Variants in SLIT3 observed in about 807,000 individuals in gnomAD.
SLIT3 encodes slit guidance ligand 3.
A neutral mutation model predicts 184.0 loss-of-function variants in SLIT3; 68 were observed. The ratio of observed to expected loss-of-function variants is 0.37; its 90% CI spans 0.30 to 0.45. SLIT3 has a LOEUF of 0.45. SLIT3 is among the 20% of genes least tolerant of loss of function. The pLI is 1.00. For synonymous variants in SLIT3, 831 were observed against 828.6 expected, an observed-to-expected ratio of 1.00 and a Z score of -0.05; for missense variants, 1,707 against 2,026.0, an observed-to-expected ratio of 0.84 and a Z score of 3.02.
chr5:168,665,549 T>C lies in SLIT3; in HGVS notation c.*905A>G, dbSNP rs948729285. The C allele has an allele frequency of 2.0e-5, 3 of 152,296 alleles. No homozygotes were observed. Among genetic ancestry groups the C allele is most frequent in the Admixed American group, 2.0e-4 (3 of 15,282 alleles). The allele number at this position is 152,296 out of a possible 1,614,324, so 9.4% of individuals were successfully genotyped here. ...CATGATATTCTCTTCCCTCGCCTCC[T>C]CTAGGAAGACCCCTCTCCTGGGGAG... On this transcript the variant is annotated 3_prime_UTR_variant, in exon 36 of 36. Transcript: ENST00000519560.
At chr5:168,790,282 G>T (rs989882642) in intron 10 of SLIT3, 1 of 152,424 alleles carries the variant, frequency 6.6e-6, no homozygotes, top group Non-Finnish European at 1.5e-5. Flanking sequence ...TCATCTGGGA[G>T]CAAGTCCAGG....
intron 9 of SLIT3, 52 bp from the exon 10 acceptor site, chr5:168,795,630 GGTCACT>G: frequency 7.3e-7 from 1 of 1,373,018 alleles, no homozygotes; most frequent in Non-Finnish European, 1.0e-6. Context: ...GTCAACAAGT[GGTCACT>G]GAGGGCTACT....
chr5:169,297,380 G>A (rs1373336343), intron 1 of SLIT3, among the ~76,000 whole-genome samples: 1 of 152,136 alleles, frequency 6.6e-6, no homozygotes, highest in African/African-American at 2.4e-5. Context: ...CTGAAGCAAA[G>A]TCCAAATGGT....
At chr5:168,752,185 G>A (rs1754740456) in intron 18 of SLIT3, among the ~76,000 whole-genome samples, 1 of 152,262 alleles carries the variant, frequency 6.6e-6, no homozygotes, top group South Asian at 2.1e-4. Flanking sequence ...CTTCAGCCTT[G>A]CCTTATGTCA....
chr5:168,968,840 C>G (rs1231177815), intron 4 of SLIT3, among the ~76,000 whole-genome samples: 1 of 152,186 alleles, frequency 6.6e-6, no homozygotes, highest in Admixed American at 6.5e-5. Flanking sequence ...CTGACTCTTT[C>G]TAGCCGTGTG....
At chr5:169,031,089 G>A (rs184942394) in intron 4 of SLIT3, among the ~76,000 whole-genome samples, 8 of 152,220 alleles carry the variant, frequency 5.3e-5, no homozygotes, top group East Asian at 3.9e-4. Flanking sequence ...CATAGTAGTC[G>A]TACTAGTCAG....
At chr5:169,098,622 ACAAGAG>A (rs1433506420) in intron 4 of SLIT3, among the ~76,000 whole-genome samples, 1 of 152,210 alleles carries the variant, frequency 6.6e-6, no homozygotes, top group Non-Finnish European at 1.5e-5. Context: ...GCAAACACAC[ACAAGAG>A]CAAAAGTGGA....
chr5:168,757,594 C>A (rs542011824), intron 16 of SLIT3, among the ~76,000 whole-genome samples: 3 of 152,106 alleles, frequency 2.0e-5, no homozygotes, highest in Non-Finnish European at 4.4e-5. Flanking sequence ...CCATTGCGCC[C>A]GGCTAATTTT....
intron 4 of SLIT3, among the ~76,000 whole-genome samples, chr5:169,079,461 G>A (rs940644051): frequency 1.5e-5 from 2 of 136,998 alleles, no homozygotes; most frequent in South Asian, 2.7e-4. Flanking sequence ...AAACTTTGAG[G>A]TGGAAGATGG....
chr5:168,923,125 G>C (rs1365396313), intron 4 of SLIT3, among the ~76,000 whole-genome samples: 3 of 152,082 alleles, frequency 2.0e-5, no homozygotes, highest in African/African-American at 7.2e-5. Context: ...TTAGGACTGG[G>C]GCAATGACAG....
chr5:168,704,805 T>A (rs1291230133), intron 26 of SLIT3, among the ~76,000 whole-genome samples: 1 of 152,166 alleles, frequency 6.6e-6, no homozygotes, highest in Non-Finnish European at 1.5e-5. Context: ...AAGAGGTAAA[T>A]GCCTGAACTT....
intron 4 of SLIT3, among the ~76,000 whole-genome samples, chr5:168,959,635 GC>G (rs970270525): frequency 2.6e-5 from 4 of 152,128 alleles, no homozygotes; most frequent in Non-Finnish European, 4.4e-5. Context: ...AGGTGTGGGG[GC>G]CAGGAATCCA....
chr5:169,083,488 C>T (rs776082377), intron 4 of SLIT3, among the ~76,000 whole-genome samples: 20 of 152,180 alleles, frequency 1.3e-4, no homozygotes, highest in Non-Finnish European at 2.2e-4. Context: ...GCTATCAGCA[C>T]GCCTTAAACT....
chr5:168,713,381 A>G (rs1762620617), intron 23 of SLIT3, among the ~76,000 whole-genome samples: 1 of 152,200 alleles, frequency 6.6e-6, no homozygotes, highest in Admixed American at 6.5e-5. Flanking sequence ...CTCAATGAAC[A>G]CTGCTCCGTG....
intron 4 of SLIT3, among the ~76,000 whole-genome samples, chr5:169,150,173 CA>C (rs1332474348): frequency 1.3e-5 from 2 of 152,134 alleles, no homozygotes; most frequent in Non-Finnish European, 2.9e-5. Context: ...AAGACCTCTG[CA>C]AATTAGCAAG....
At chr5:169,191,381 A>G (rs1561727076) in intron 4 of SLIT3, among the ~76,000 whole-genome samples, 3 of 152,220 alleles carry the variant, frequency 2.0e-5, no homozygotes, top group Non-Finnish European at 4.4e-5. Context: ...GACTTGAAGC[A>G]AAAGCTCAGG....
chr5:168,966,956 T>A (rs1214989005), intron 4 of SLIT3, among the ~76,000 whole-genome samples: 1 of 152,190 alleles, frequency 6.6e-6, no homozygotes, highest in Non-Finnish European at 1.5e-5. Flanking sequence ...AGAGCTTTAC[T>A]CCTAAGGAAA....
chr5:169,073,343 A>G (rs1374765705), intron 4 of SLIT3, among the ~76,000 whole-genome samples: 1 of 152,130 alleles, frequency 6.6e-6, no homozygotes, highest in Non-Finnish European at 1.5e-5. Flanking sequence ...TAATCACACC[A>G]TGCTGCACAA....
At chr5:168,695,096 G>A (rs993552641) in intron 28 of SLIT3, among the ~76,000 whole-genome samples, 1 of 152,156 alleles carries the variant, frequency 6.6e-6, no homozygotes, top group Non-Finnish European at 1.5e-5. Context: ...TATGGGCTAT[G>A]AGGGACAATG....
Sources: gnomAD v4.1 joint callset for allele counts (sites outside exome capture counted in the v4.1 genomes callset) on GRCh38, gnomAD v4.1.1 for gene constraint, MANE v1.5 for transcripts, NCBI Gene and HGNC (gene_info 2026-07-23, HGNC 2026-07-21) for gene names.